ADGRG6: variants seen among roughly 807,000 people sequenced by gnomAD.
ADGRG6 encodes the protein G-protein coupled receptor 126.
Under a neutral mutation model 142.4 loss-of-function variants are expected in ADGRG6, and 84 were observed. The observed-to-expected ratio is 0.59, with a 90% CI of 0.49 to 0.71. ADGRG6 has a LOEUF of 0.71. ADGRG6 is among the 30% of genes least tolerant of loss of function. The pLI, the probability that ADGRG6 is intolerant of heterozygous loss-of-function variation, is 0.00. For missense variants in ADGRG6, 1,367 were observed against 1,466.6 expected, an observed-to-expected ratio of 0.93 and a Z score of 1.11; for synonymous variants, 521 against 520.5, an observed-to-expected ratio of 1.00 and a Z score of -0.01.
chr6:142,304,871 G>T (rs1777405104), intron 1 of ADGRG6, among the ~76,000 whole-genome samples: 1 of 152,004 alleles, frequency 6.6e-6, no homozygotes, highest in African/African-American at 2.4e-5. Flanking sequence ...GACAGGGGTG[G>T]TGCCATATAA....
At chr6:142,317,718 A>G (rs1407362677) in intron 2 of ADGRG6, among the ~76,000 whole-genome samples, 3 of 106,252 alleles carry the variant, frequency 2.8e-5, no homozygotes, top group African/African-American at 1.4e-4. Flanking sequence ...ATATATTTAT[A>G]TTATATATTA....
At chr6:142,437,621 C>T (rs1777548458) in intron 23 of ADGRG6, 86 bp downstream of exon 23, 1 of 737,480 alleles carries the variant, frequency 1.4e-6, no homozygotes, top group Non-Finnish European at 2.5e-6. Context: ...CAACCCAGTC[C>T]CAGTGGTAGC....
Position 142,438,203 on chromosome 6 carries a change from T to C in ADGRG6, c.3422-9T>C. On this transcript the variant is annotated splice_polypyrimidine_tract_variant and intron_variant, in intron 23 of 24. Transcript: ENST00000367609. ...CAGATTGATAGGGTGATGTCATTTT[T>C]TTTTTCAGATTGGAGTAAGACAGCT... The C allele has an allele frequency of 6.4e-7, 1 of 1,566,168 alleles. No individual in the cohort carries two copies. Among genetic ancestry groups the C allele is most frequent in the Non-Finnish European group, 8.7e-7 (1 of 1,156,030 alleles).
chr6:142,395,055 T>C (rs1147840), intron 9 of ADGRG6, among the ~76,000 whole-genome samples: 2,208 of 152,260 alleles, frequency 0.015, 34 homozygotes, highest in Non-Finnish European at 0.023. Flanking sequence ...AAATTTCATA[T>C]GAGAATTGAC....
intron 18 of ADGRG6, among the ~76,000 whole-genome samples, chr6:142,414,755 G>A (rs1056824976): frequency 3.3e-5 from 5 of 152,194 alleles, no homozygotes; most frequent in Non-Finnish European, 7.3e-5. Flanking sequence ...GAAAAACAAT[G>A]TGTAACGACT....
In ADGRG6 at chr6:142,342,164, G is replaced by A. The variant is rs547549970; in HGVS notation, c.104-25405G>A. Among the ~76,000 whole-genome samples the A allele has an allele frequency of 4.6e-5, 7 of 152,080 alleles. No individual in the cohort carries two copies. In the South Asian group the frequency reaches 1.5e-3, roughly 32 times the overall value. On this transcript the variant is annotated intron_variant, in intron 2 of 24. Transcript: ENST00000367609. ...CAGCAAGCAAGGGAGCGGGATTATT[G>A]GAGAGATACAGCAAATGGAAAGAGG...
intron 2 of ADGRG6, among the ~76,000 whole-genome samples, chr6:142,335,973 G>A (rs934294390): frequency 3.3e-5 from 5 of 152,144 alleles, no homozygotes; most frequent in African/African-American, 9.7e-5. Context: ...CCTTCAAGAG[G>A]TTTGGAACTG....
At position 142,419,163 on chromosome 6, in the gene ADGRG6, T is replaced by C. The variant is rs9484637; in HGVS notation, c.3036-658T>C. Reference sequence around the variant, plus strand: ...AGTTGTGACTTAAGTGAGTAGGAGTTTACTCTTTGCACATGACAAGAAACA... The same window carrying C: ...AGTTGTGACTTAAGTGAGTAGGAGTCTACTCTTTGCACATGACAAGAAACA... On this transcript the variant is annotated intron_variant, in intron 21 of 24. Transcript: ENST00000367609. Among the ~76,000 whole-genome samples, 925 of 152,232 alleles carry C rather than the reference T, an allele frequency of 6.1e-3. 16 individuals carry two copies. The highest frequency in any genetic ancestry group is 0.021 in the African/African-American group (878 of 41,540).
rs1415931945 is a variant in ADGRG6 at position 142,318,227 on chromosome 6, TTATATTATATATATTTA to T, written c.103+8602_103+8618del. On this transcript the variant is annotated intron_variant, in intron 2 of 24. Coordinates refer to ENST00000367609, the MANE Select transcript of ADGRG6 (RefSeq NM_198569.3). ...ATATATATTTATATATTATATATATTTATATTATATATATTTATATATTATATATATTTATTATATAT... is the reference window on the plus strand; with the variant it reads ...ATATATATTTATATATTATATATATTTATATTATATATATTTATTATATAT... Among the ~76,000 whole-genome samples the T allele has an allele frequency of 8.4e-3, 374 of 44,432 alleles. 2 individuals are homozygous for T. The highest frequency in any genetic ancestry group is 0.011 in the Non-Finnish European group (298 of 27,694). 29.1% of individuals were successfully genotyped at this position (44,432 alleles called of 152,430 possible).
Position 142,371,511 on chromosome 6 carries a change from T to G in ADGRG6, c.1069+718T>G, listed in dbSNP as rs545229069. ...TTTTTTTTTTTTTTTTGAGACAGAG[T>G]CTCGCTATGCTGCCCAGGCTGGAGT... is the stretch of plus-strand genomic sequence containing the variant. On this transcript the variant is annotated intron_variant, in intron 4 of 24. Transcript: ENST00000367609. Among the ~76,000 whole-genome samples the G allele has an allele frequency of 2.2e-5, 3 of 138,354 alleles. No individual in the cohort carries two copies. The East Asian group carries it at 6.3e-4, about 29-fold the overall frequency. The allele number at this position is 138,354 out of a possible 152,430, so 90.8% of individuals were successfully genotyped here. A position where few individuals can be genotyped will look rare whatever the true frequency, so the allele number is the denominator to read the frequency against.
intron 2 of ADGRG6, among the ~76,000 whole-genome samples, chr6:142,313,152 GA>G (rs1178752852): frequency 1.3e-5 from 2 of 151,708 alleles, no homozygotes; most frequent in African/African-American, 2.4e-5. Flanking sequence ...TTACTAATCT[GA>G]AAAAAAGCTG....
intron 2 of ADGRG6, among the ~76,000 whole-genome samples, chr6:142,338,019 T>G (rs1320920449): frequency 1.1e-4 from 3 of 26,888 alleles, no homozygotes; most frequent in Non-Finnish European, 3.0e-4. Context: ...GTATCTTTGT[T>G]TTTTTTTTTT....
Position 142,393,901 on chromosome 6 carries a change from A to T in ADGRG6, c.1367A>T (p.His456Leu). ...ATATGTATTTGTGTTTTTAGTTTTC[A>T]CCTGAGTGCTGGAGAGGACAAGATT... ...YTVYVVNISF[H>L]LSAGEDKIKV... The change falls in exon 9 of 25, where the codon CAC (histidine) becomes CTC (leucine). Residue 456 changes from histidine (H) to leucine (L), a missense_variant. By Grantham distance (99) the His-to-Leu change is moderately conservative (BLOSUM62 -3). Coordinates refer to ENST00000367609, the MANE Select transcript of ADGRG6 (RefSeq NM_198569.3). 1 of 1,550,460 alleles carries T rather than the reference A, an allele frequency of 6.4e-7. No individual in the cohort carries two copies. Among genetic ancestry groups the T allele is most frequent in the South Asian group, 1.2e-5 (1 of 84,236 alleles).
chr6:142,348,988 T>A (rs1453909614), intron 2 of ADGRG6, among the ~76,000 whole-genome samples: 5 of 152,208 alleles, frequency 3.3e-5, no homozygotes, highest in Non-Finnish European at 7.3e-5. Flanking sequence ...GAAGCTAAAC[T>A]TTGTTTCAAA....
chr6:142,311,076 CA>C (rs1384791511), intron 2 of ADGRG6, among the ~76,000 whole-genome samples: 1 of 151,730 alleles, frequency 6.6e-6, no homozygotes, highest in African/African-American at 2.4e-5. Flanking sequence ...GAATTTTAAT[CA>C]TTTGAATAAA....
At chr6:142,433,703 G>A (rs893439412) in intron 22 of ADGRG6, among the ~76,000 whole-genome samples, 10 of 152,168 alleles carry the variant, frequency 6.6e-5, no homozygotes, top group African/African-American at 2.4e-4. Flanking sequence ...CGAGGTGCTT[G>A]TTTGCTTTCT....
intron 2 of ADGRG6, among the ~76,000 whole-genome samples, chr6:142,337,980 G>A (rs1182881332): frequency 1.7e-5 from 2 of 121,080 alleles, no homozygotes; most frequent in African/African-American, 3.1e-5. Context: ...ATAAACAAAT[G>A]TTCTGACACT....
intron 22 of ADGRG6, among the ~76,000 whole-genome samples, chr6:142,436,794 T>A (rs1178059146): frequency 1.2e-4 from 19 of 152,124 alleles, no homozygotes. Flanking sequence ...TGACACAGAT[T>A]TTGATAAGCA....
In ADGRG6 at chr6:142,317,357, A is replaced by G. The variant is rs536973596; in HGVS notation, c.103+7713A>G. 5.3e-5 allele frequency among the ~76,000 whole-genome samples: 8 copies of G among 152,166 alleles called. No homozygotes were observed. In the South Asian group the frequency reaches 1.7e-3, roughly 32 times the overall value. ...TACTAATTGTGACACCATGGAAGACAGAATCAGTAAATGTGTAGCAAATGA... is the reference window on the plus strand; with the variant it reads ...TACTAATTGTGACACCATGGAAGACGGAATCAGTAAATGTGTAGCAAATGA... On this transcript the variant is annotated intron_variant, in intron 2 of 24. Transcript: ENST00000367609.
Sources: gnomAD v4.1 joint callset for allele counts (sites outside exome capture counted in the v4.1 genomes callset) on GRCh38, gnomAD v4.1.1 for gene constraint, MANE v1.5 for transcripts, NCBI Gene and HGNC (gene_info 2026-07-23, HGNC 2026-07-21) for gene names.